UTRN: variants seen among roughly 807,000 people sequenced by gnomAD.
The protein encoded by UTRN is dystrophin-related protein 1.
In UTRN, 283 loss-of-function variants were observed where a neutral mutation model predicts 463.9. The observed-to-expected ratio is 0.61, with a 90% confidence interval of 0.55 to 0.67. The LOEUF is 0.67. Among genes scored for constraint, UTRN ranks in the 30% least tolerant of loss-of-function variants. The pLI is 0.00. For synonymous variants in UTRN, 1,442 were observed against 1,431.5 expected, an observed-to-expected ratio of 1.01 and a Z score of -0.17; for missense variants, 3,922 against 4,084.3, an observed-to-expected ratio of 0.96 and a Z score of 1.08.
chr6:144,828,640 A>C, intron 68 of UTRN, 150 bp from the exon 69 acceptor site: 1 of 736,968 alleles, frequency 1.4e-6, no homozygotes, highest in South Asian at 1.8e-5. Flanking sequence ...CTCAACATGA[A>C]ACGTTTTAGT....
At chr6:144,326,455 T>C (rs1205052265) in intron 2 of UTRN, among the ~76,000 whole-genome samples, 3 of 152,162 alleles carry the variant, frequency 2.0e-5, no homozygotes, top group African/African-American at 7.2e-5. Flanking sequence ...TGTGTGTGGC[T>C]GTAAATATCC....
chr6:144,357,089 C>T (rs749323188), intron 2 of UTRN, among the ~76,000 whole-genome samples: 2 of 152,106 alleles, frequency 1.3e-5, no homozygotes, highest in Non-Finnish European at 2.9e-5. Flanking sequence ...CTTGCCCTCA[C>T]CTGCCATGTT....
At chr6:144,391,569 A>G (rs1781927725) in intron 2 of UTRN, among the ~76,000 whole-genome samples, 1 of 152,168 alleles carries the variant, frequency 6.6e-6, no homozygotes, top group Admixed American at 6.5e-5. Flanking sequence ...TCATTAAGCA[A>G]TCATTATTCG....
At chr6:144,472,664 T>C (rs1790780855) in intron 23 of UTRN, among the ~76,000 whole-genome samples, 1 of 152,022 alleles carries the variant, frequency 6.6e-6, no homozygotes, top group Admixed American at 6.6e-5. Context: ...GAACATGTAA[T>C]CAGTAGAAGA....
intron 3 of UTRN, among the ~76,000 whole-genome samples, chr6:144,404,428 T>G (rs974452171): frequency 6.6e-6 from 1 of 152,226 alleles, no homozygotes; most frequent in Non-Finnish European, 1.5e-5. Context: ...TTCATCTGCA[T>G]GTGACCATTT....
intron 35 of UTRN, among the ~76,000 whole-genome samples, chr6:144,511,418 C>T (rs9496992): frequency 0.036 from 5,485 of 152,142 alleles, 263 homozygotes; most frequent in African/African-American, 0.11. Context: ...ATTTGATTTT[C>T]GTACTATCAG....
chr6:144,397,525 A>G lies in UTRN; in HGVS notation c.80-5598A>G, dbSNP rs374326641. On this transcript the variant is annotated intron_variant, in intron 2 of 74. Coordinates refer to ENST00000367545, the MANE Select transcript of UTRN (RefSeq NM_007124.3). ...GGCATATACAGTTTTCAGGATTGAA[A>G]ACTTCTGAAATTTGGATTGTCTTAG... 2.9e-3 allele frequency among the ~76,000 whole-genome samples: 434 copies of G among 152,112 alleles called. 2 individuals carry two copies. Among genetic ancestry groups the G allele is most frequent in the African/African-American group, 9.8e-3 (406 of 41,478 alleles).
rs904403508 is a variant in UTRN, at chr6:144,429,727, G to A, written c.841G>A (p.Ala281Thr). The change falls in exon 9 of 75, where the codon GCA becomes ACA. Residue 281 changes from alanine to threonine, a missense_variant. Physicochemically the swap from Ala to Thr is moderately conservative, Grantham distance 58 (BLOSUM62 0). Transcript: ENST00000367545. ...ATATAAAAAAGAATGTGAAGAAGAG[G>A]CAATTAATATACAGGTACAGGTAAC... Reference protein sequence around the residue: ...RKYKKECEEEAINIQSTAPEE... With the variant: ...RKYKKECEEETINIQSTAPEE... 4 of 1,610,884 alleles carry A rather than the reference G, an allele frequency of 2.5e-6. No homozygotes were observed. Among genetic ancestry groups the A allele is most frequent in the Non-Finnish European group, 3.4e-6 (4 of 1,178,902 alleles).
chr6:144,628,526 CTG>C (rs1363249689), intron 51 of UTRN, among the ~76,000 whole-genome samples: 1 of 152,152 alleles, frequency 6.6e-6, no homozygotes, highest in East Asian at 1.9e-4. Context: ...GCTGTTTAAA[CTG>C]TGTTTCTTTA....
At chr6:144,667,534 C>T (rs947809700) in intron 51 of UTRN, among the ~76,000 whole-genome samples, 4 of 152,154 alleles carry the variant, frequency 2.6e-5, no homozygotes, top group African/African-American at 9.7e-5. Context: ...CAAAGAGGTG[C>T]CTTGCTTGTC....
At position 144,801,400 on chromosome 6, in the gene UTRN, G is replaced by A. The variant is rs1186651159; in HGVS notation, c.9246-1636G>A. Among the ~76,000 whole-genome samples, 3 of 152,132 alleles carry A rather than the reference G, an allele frequency of 2.0e-5. No homozygotes were observed. In the East Asian group the frequency reaches 5.8e-4, roughly 29 times the overall value. ...CTGATTAGTTTAGTTGTAAAGAGATGCATCTTTCTCTGTGGCTTCAGAGAA... is the reference window on the plus strand; with the variant it reads ...CTGATTAGTTTAGTTGTAAAGAGATACATCTTTCTCTGTGGCTTCAGAGAA... On this transcript the variant is annotated intron_variant, in intron 64 of 74. Transcript: ENST00000367545.
At position 144,510,952 on chromosome 6, in the gene UTRN, G is replaced by A. The variant is rs777047961; in HGVS notation, c.4773G>A (p.Leu1591=). 2.5e-6 allele frequency: 4 copies of A among 1,589,654 alleles called. No individual in the cohort carries two copies. The South Asian group carries it at 3.4e-5, about 14-fold the overall frequency. ...DTEISWAKNV[L]KDLEKRKADL... is the part of the protein sequence containing the mutation. ...GTGTTTTTATTTTCTAGAATGTTCT[G>A]AAGGATCTGGAAAAGAGAAAAGCTG... The change falls in exon 35 of 75, where the codon CTG becomes CTA. Residue 1591 remains leucine (L), a synonymous_variant. Transcript: ENST00000367545.
Position 144,491,418 on chromosome 6 carries a change from C to T in UTRN, c.4437+316C>T, listed in dbSNP as rs545880619. Among the ~76,000 whole-genome samples the T allele has an allele frequency of 5.3e-5, 8 of 152,122 alleles. No homozygotes were observed. In the South Asian group the frequency reaches 1.7e-3, roughly 32 times the overall value. Reference sequence around the variant, plus strand: ...GCTTCAGCAGAGTGTGACTAATAAGCAAAGTTTTCAAGGATAAATTTGAAT... The same window carrying T: ...GCTTCAGCAGAGTGTGACTAATAAGTAAAGTTTTCAAGGATAAATTTGAAT... On this transcript the variant is annotated intron_variant, in intron 32 of 74. Coordinates refer to ENST00000367545, the MANE Select transcript of UTRN (RefSeq NM_007124.3).
intron 52 of UTRN, among the ~76,000 whole-genome samples, chr6:144,697,291 G>A (rs1784118083): frequency 3.9e-5 from 6 of 152,102 alleles, no homozygotes; most frequent in Admixed American, 3.9e-4. Context: ...GTTTGATAAA[G>A]AAATGTTTTA....
At chr6:144,704,213 C>CT (rs1366892266) in intron 53 of UTRN, among the ~76,000 whole-genome samples, 1 of 152,168 alleles carries the variant, frequency 6.6e-6, no homozygotes, top group Non-Finnish European at 1.5e-5. Context: ...TCTGTTCCCT[C>CT]TTTTTTGCTC....
chr6:144,582,141 A>C (rs1345434643), intron 51 of UTRN, among the ~76,000 whole-genome samples: 1 of 152,220 alleles, frequency 6.6e-6, no homozygotes, highest in East Asian at 1.9e-4. Context: ...TCTGTAAGAC[A>C]CAATATAGGA....
chr6:144,493,555 A>G, intron 33 of UTRN, 99 bp downstream of exon 33: 3 of 1,353,042 alleles, frequency 2.2e-6, no homozygotes, highest in Non-Finnish European at 9.7e-7. Flanking sequence ...TTTAAATTTC[A>G]TTTTTTGGAA....
At chr6:144,319,695 G>C (rs1403177425) in intron 2 of UTRN, among the ~76,000 whole-genome samples, 4 of 152,140 alleles carry the variant, frequency 2.6e-5, no homozygotes, top group East Asian at 3.8e-4. Flanking sequence ...AACCTTCAGA[G>C]TAGCTGGGAC....
intron 64 of UTRN, among the ~76,000 whole-genome samples, chr6:144,801,169 T>C (rs1037286256): frequency 3.3e-5 from 5 of 152,194 alleles, no homozygotes; most frequent in Non-Finnish European, 1.5e-5. Flanking sequence ...TCCTGTTTTC[T>C]ACATTGAGAA....
Sources: allele counts gnomAD v4.1 joint callset (sites outside exome capture counted in the v4.1 genomes callset), GRCh38; gene constraint gnomAD v4.1.1; transcripts MANE v1.5; gene names NCBI Gene and HGNC (gene_info 2026-07-23, HGNC 2026-07-21).